The following R3HCC1L variants were observed in gnomAD, a reference collection of about 807,000 sequenced individuals.
R3HCC1L encodes coiled-coil domain-containing protein R3HCC1L.
R3HCC1L carries 51 observed loss-of-function variants against 59.9 expected under a neutral mutation model. The observed-to-expected ratio is 0.85, with a 90% CI of 0.68 to 1.07. The LOEUF (loss-of-function observed/expected upper bound fraction) is 1.07, where lower values mean the gene tolerates loss of function less well. Among genes scored for constraint, R3HCC1L ranks in the 50% least tolerant of loss-of-function variants. The pLI is 0.00. For synonymous variants in R3HCC1L, 322 were observed against 315.2 expected (o/e 1.02, Z -0.23); for missense variants, 965 against 933.0 (o/e 1.03, Z -0.45).
Position 98,227,576 on chromosome 10 carries a change from G to GT in R3HCC1L, c.1786-3919dup, listed in dbSNP as rs11289626. 2.5e-3 allele frequency among the ~76,000 whole-genome samples: 355 copies of GT among 140,700 alleles called. 1 individual carries two copies. The highest frequency in any genetic ancestry group is 8.7e-3 in the African/African-American group (331 of 38,190). 92.3% of individuals were successfully genotyped at this position (140,700 alleles called of 152,430 possible). On this transcript the variant is annotated intron_variant, in intron 5 of 9. Transcript: ENST00000298999. ...TGGCTTTGGGTCATCAGCAGTGTGT[G>GT]TTTTTTTTTTTTTTTTTAATTATAC...
intron 2 of R3HCC1L, among the ~76,000 whole-genome samples, chr10:98,158,083 C>G (rs958317817): frequency 6.6e-6 from 1 of 152,152 alleles, no homozygotes; most frequent in Non-Finnish European, 1.5e-5. Flanking sequence ...AACTAGAATA[C>G]GCTGATAAAC....
Position 98,208,405 on chromosome 10 carries a change from C to T in R3HCC1L, c.291C>T (p.Cys97=), listed in dbSNP as rs1852999181. The change falls in exon 5 of 10, where the codon TGC becomes TGT. Residue 97 remains cysteine, a synonymous_variant. Transcript: ENST00000298999. Reference sequence around the variant, plus strand: ...CAACAAAATTAAGAATGGACACATGCCTTCAAAAAACAAATAGAGTTTGTT... The same window carrying T: ...CAACAAAATTAAGAATGGACACATGTCTTCAAAAAACAAATAGAGTTTGTT... ...KSSTKLRMDT[C]LQKTNRVCSK... The T allele has an allele frequency of 3.1e-6, 5 of 1,613,706 alleles. No individual in the cohort carries two copies. Among genetic ancestry groups the T allele is most frequent in the Non-Finnish European group, 4.2e-6 (5 of 1,179,920 alleles).
chr10:98,212,462 T>C (rs1328637891), intron 5 of R3HCC1L, among the ~76,000 whole-genome samples: 2 of 152,164 alleles, frequency 1.3e-5, no homozygotes, highest in African/African-American at 4.8e-5. Context: ...TCCTGTGACA[T>C]TTGAACCTCC....
At chr10:98,173,214 A>C (rs985337873) in intron 4 of R3HCC1L, among the ~76,000 whole-genome samples, 2 of 152,138 alleles carry the variant, frequency 1.3e-5, no homozygotes, top group African/African-American at 2.4e-5. Flanking sequence ...TTAGGCTCTG[A>C]ATAATTGGTT....
At chr10:98,157,097 C>T (rs1846958653) in intron 2 of R3HCC1L, among the ~76,000 whole-genome samples, 1 of 152,130 alleles carries the variant, frequency 6.6e-6, no homozygotes, top group East Asian at 1.9e-4. Context: ...TTCTCCTCAT[C>T]CTTTGTTGCT....
In R3HCC1L at chr10:98,244,401, G is replaced by A. The variant is rs1590868926; in HGVS notation, c.*243G>A. The A allele has an allele frequency of 8.3e-5, 31 of 373,022 alleles. No individual in the cohort carries two copies. In the East Asian group the frequency reaches 1.4e-3, roughly 17 times the overall value. 23.1% of individuals were successfully genotyped at this position (373,022 alleles called of 1,614,324 possible). A position where few individuals can be genotyped will look rare whatever the true frequency, so the allele number is the denominator to read the frequency against. ...AGGGAGCCATCAGCTAGGAAGAAAC[G>A]TGGGAGATGTGAATTCCAAGAGTTG... On this transcript the variant is annotated 3_prime_UTR_variant, in exon 10 of 10. Coordinates refer to ENST00000298999, the MANE Select transcript of R3HCC1L (RefSeq NM_001351015.2).
chr10:98,170,970 A>G (rs994334362), intron 4 of R3HCC1L, among the ~76,000 whole-genome samples: 2 of 152,250 alleles, frequency 1.3e-5, no homozygotes, highest in African/African-American at 4.8e-5. Context: ...AATAGCTTTC[A>G]GATGACCTAT....
At chr10:98,231,468 C>G (rs373885690) in intron 5 of R3HCC1L, 44 bp from the exon 6 acceptor site, 26 of 1,539,100 alleles carry the variant, frequency 1.7e-5, no homozygotes, top group Non-Finnish European at 2.3e-5. Context: ...TTACAATAAC[C>G]AGGTTTAATG....
chr10:98,211,284 CTG>C (rs1410169058), intron 5 of R3HCC1L: 3 of 1,399,600 alleles, frequency 2.1e-6, no homozygotes, highest in Admixed American at 4.0e-5. Context: ...GCCCAGCAAA[CTG>C]TCTATTTACA....
chr10:98,147,300 T>C (rs1171130048), intron 1 of R3HCC1L, among the ~76,000 whole-genome samples: 1 of 152,190 alleles, frequency 6.6e-6, no homozygotes, highest in African/African-American at 2.4e-5. Flanking sequence ...ACTCCTTGTA[T>C]ATTCTTGTTA....
chr10:98,223,284 T>C (rs988174496), intron 5 of R3HCC1L, among the ~76,000 whole-genome samples: 101 of 152,022 alleles, frequency 6.6e-4, no homozygotes, highest in Non-Finnish European at 1.2e-3. Context: ...GATGGAAAAA[T>C]CCTCAATAAA....
chr10:98,241,378 C>T (rs1459300973), intron 9 of R3HCC1L, among the ~76,000 whole-genome samples: 1 of 152,062 alleles, frequency 6.6e-6, no homozygotes, highest in Non-Finnish European at 1.5e-5. Context: ...GCTTTACATT[C>T]TCTTATGTAA....
chr10:98,156,465 T>TA (rs372000308), intron 2 of R3HCC1L, among the ~76,000 whole-genome samples: 104 of 152,332 alleles, frequency 6.8e-4, no homozygotes, highest in African/African-American at 2.2e-3. Context: ...TTGTTTTCCA[T>TA]ATCTCATCTC....
At chr10:98,231,952 C>G (rs1467405967) in intron 6 of R3HCC1L, among the ~76,000 whole-genome samples, 1 of 152,116 alleles carries the variant, frequency 6.6e-6, no homozygotes, top group Non-Finnish European at 1.5e-5. Context: ...TGCATTTAGT[C>G]CATTAATACA....
intron 9 of R3HCC1L, among the ~76,000 whole-genome samples, chr10:98,242,774 A>G (rs1857676885): frequency 6.6e-6 from 1 of 152,156 alleles, no homozygotes; most frequent in Admixed American, 6.5e-5. Context: ...GCTTTCATCC[A>G]TTGCCTTTAG....
intron 5 of R3HCC1L, among the ~76,000 whole-genome samples, chr10:98,219,014 C>T (rs943200883): frequency 8.5e-5 from 13 of 152,244 alleles, no homozygotes; most frequent in South Asian, 2.1e-4. Context: ...TGGGTTCAAG[C>T]GATTCTTCTG....
chr10:98,194,096 A>G (rs1301006609), intron 4 of R3HCC1L, among the ~76,000 whole-genome samples: 6 of 152,152 alleles, frequency 3.9e-5, no homozygotes, highest in Non-Finnish European at 5.9e-5. Context: ...TTACAAAGCT[A>G]TAGTGATCAA....
intron 5 of R3HCC1L, among the ~76,000 whole-genome samples, chr10:98,216,369 C>G (rs1854207639): frequency 6.6e-6 from 1 of 151,962 alleles, no homozygotes; most frequent in Non-Finnish European, 1.5e-5. Context: ...CAAAACTTAG[C>G]CGGGCGTAGT....
chr10:98,182,796 T>C (rs1367099341), intron 4 of R3HCC1L, among the ~76,000 whole-genome samples: 1 of 152,174 alleles, frequency 6.6e-6, no homozygotes, highest in Non-Finnish European at 1.5e-5. Context: ...GATCTTGGAC[T>C]GCTGTACTAG....
Sources: gnomAD v4.1 joint callset for allele counts (sites outside exome capture counted in the v4.1 genomes callset) on GRCh38, gnomAD v4.1.1 for gene constraint, MANE v1.5 for transcripts, NCBI Gene and HGNC (gene_info 2026-07-23, HGNC 2026-07-21) for gene names.